XKR6: variants seen among roughly 807,000 people sequenced by gnomAD.
XKR6 encodes the protein XK related 6.
A neutral mutation model predicts 56.7 loss-of-function variants in XKR6; 22 were observed. That is an observed-to-expected ratio of 0.39 (90% CI 0.28 to 0.55). The LOEUF (loss-of-function observed/expected upper bound fraction) is 0.55, where lower values mean the gene tolerates loss of function less well. Ranked by LOEUF, XKR6 falls within the 20% of genes least tolerant of loss-of-function variation. The pLI is 0.66. For synonymous variants in XKR6, 524 were observed against 387.8 expected, an observed-to-expected ratio of 1.35 and a Z score of -4.13; for missense variants, 852 against 889.0, an observed-to-expected ratio of 0.96 and a Z score of 0.53.
At chr8:11,195,151 C>A in intron 1 of XKR6, 2 of 703,224 alleles carry the variant, frequency 2.8e-6, no homozygotes, top group South Asian at 3.0e-5. Context: ...AGGGAAGAAA[C>A]CAGGTGAGGC....
intron 1 of XKR6, among the ~76,000 whole-genome samples, chr8:11,185,848 T>C (rs1200290049): frequency 6.6e-6 from 1 of 152,220 alleles, no homozygotes; most frequent in Non-Finnish European, 1.5e-5. Flanking sequence ...AATTTCAAGA[T>C]AGTTTAGTGT....
Position 10,998,483 on chromosome 8 carries a change from A to T in XKR6, c.765-73653T>A, listed in dbSNP as rs150950029. Among the ~76,000 whole-genome samples, 28 of 152,300 alleles carry T rather than the reference A, an allele frequency of 1.8e-4. 1 individual carries two copies. The highest frequency in any genetic ancestry group is 6.0e-4 in the African/African-American group (25 of 41,574). Reference sequence around the variant, plus strand: ...TCTCCATCTTACTGACAGGCCTGGTAAGAGCTCCACTTCAAATTTATGAGT... The same window carrying T: ...TCTCCATCTTACTGACAGGCCTGGTTAGAGCTCCACTTCAAATTTATGAGT... On this transcript the variant is annotated intron_variant, in intron 1 of 2. Coordinates refer to ENST00000416569, the MANE Select transcript of XKR6 (RefSeq NM_173683.4).
intron 1 of XKR6, among the ~76,000 whole-genome samples, chr8:11,187,058 A>G (rs71518515): frequency 1.5e-3 from 222 of 152,328 alleles, no homozygotes; most frequent in Non-Finnish European, 2.2e-3. Context: ...ACAACTGGCT[A>G]GTGTTGCTCT....
intron 1 of XKR6, among the ~76,000 whole-genome samples, chr8:11,006,974 T>C (rs1034068216): frequency 1.6e-4 from 24 of 152,226 alleles, no homozygotes; most frequent in African/African-American, 5.8e-4. Context: ...TTACTAATGA[T>C]TAGCGTAGGG....
chr8:11,131,507 A>G (rs1041332773), intron 1 of XKR6, among the ~76,000 whole-genome samples: 1 of 152,194 alleles, frequency 6.6e-6, no homozygotes, highest in Admixed American at 6.5e-5. Context: ...CGTTTTAAAA[A>G]ATATTTCTGT....
At chr8:11,141,261 G>A (rs538764149) in intron 1 of XKR6, among the ~76,000 whole-genome samples, 2 of 152,246 alleles carry the variant, frequency 1.3e-5, no homozygotes, top group East Asian at 1.9e-4. Context: ...CTATCATCAC[G>A]TGTTATGCAC....
chr8:11,097,990 A>C (rs1798325248), intron 1 of XKR6, among the ~76,000 whole-genome samples: 2 of 152,138 alleles, frequency 1.3e-5, no homozygotes, highest in Non-Finnish European at 2.9e-5. Flanking sequence ...AACTGGTGAG[A>C]CTGGTGATTT....
At chr8:11,052,571 C>T (rs926395720) in intron 1 of XKR6, among the ~76,000 whole-genome samples, 1 of 152,130 alleles carries the variant, frequency 6.6e-6, no homozygotes, top group Non-Finnish European at 1.5e-5. Flanking sequence ...GCATCTCCTT[C>T]AGCCCCGTTC....
At chr8:11,133,267 ACAAAAATACGGCGT>A (rs1800206037) in intron 1 of XKR6, among the ~76,000 whole-genome samples, 1 of 152,174 alleles carries the variant, frequency 6.6e-6, no homozygotes, top group Admixed American at 6.5e-5. Context: ...TGACAGATCT[ACAAAAATACGGCGT>A]CAGCTTCACA....
At chr8:11,026,862 CTAGATGGTCTAGCCTGCTACACCCT>C (rs1454931983) in intron 1 of XKR6, among the ~76,000 whole-genome samples, 3 of 151,846 alleles carry the variant, frequency 2.0e-5, no homozygotes, top group Non-Finnish European at 4.4e-5. Flanking sequence ...TACTACACAC[CTAGATGGTCTAGCCTGCTACACCCT>C]TAGATGGTCT....
At chr8:11,098,672 A>G (rs1798352795) in intron 1 of XKR6, among the ~76,000 whole-genome samples, 1 of 152,234 alleles carries the variant, frequency 6.6e-6, no homozygotes, top group Non-Finnish European at 1.5e-5. Context: ...CTTTTATAGT[A>G]TGTGGAAAGT....
At chr8:11,034,433 G>C (rs914166025) in intron 1 of XKR6, among the ~76,000 whole-genome samples, 2 of 152,196 alleles carry the variant, frequency 1.3e-5, no homozygotes, top group Non-Finnish European at 2.9e-5. Context: ...GAAGCTGCAT[G>C]TGTCTAGAGC....
At chr8:10,944,087 G>C (rs961465914) in intron 1 of XKR6, among the ~76,000 whole-genome samples, 1 of 152,216 alleles carries the variant, frequency 6.6e-6, no homozygotes, top group African/African-American at 2.4e-5. Flanking sequence ...ACCTCCAGGA[G>C]GGGCATCCAT....
At position 11,036,456 on chromosome 8, in the gene XKR6, G is replaced by A. The variant is rs961065844; in HGVS notation, c.765-111626C>T. ...ACCGTTGAATGTGAATCTTGCTACC[G>A]GCAGCATCAGCATCAATGGGAGCTT... On this transcript the variant is annotated intron_variant, in intron 1 of 2. Transcript: ENST00000416569. Among the ~76,000 whole-genome samples the A allele has an allele frequency of 5.3e-5, 8 of 152,260 alleles. No homozygotes were observed. In the East Asian group the frequency reaches 7.7e-4, roughly 15 times the overall value.
chr8:10,918,614 A>G (rs887885490), intron 2 of XKR6, among the ~76,000 whole-genome samples: 1 of 152,234 alleles, frequency 6.6e-6, no homozygotes, highest in Non-Finnish European at 1.5e-5. Context: ...AGGACTCTCC[A>G]GGTAGAGATC....
intron 1 of XKR6, among the ~76,000 whole-genome samples, chr8:10,986,033 T>A (rs1797856810): frequency 6.6e-6 from 1 of 152,178 alleles, no homozygotes; most frequent in Non-Finnish European, 1.5e-5. Flanking sequence ...ATGATAAAAA[T>A]ATTACAAAGA....
chr8:11,142,313 C>T (rs1800744875), intron 1 of XKR6, among the ~76,000 whole-genome samples: 1 of 150,524 alleles, frequency 6.6e-6, no homozygotes, highest in East Asian at 1.9e-4. Context: ...AACATCTTGA[C>T]ATACCAGACA....
At chr8:11,082,774 G>T (rs555109477) in intron 1 of XKR6, among the ~76,000 whole-genome samples, 10 of 152,270 alleles carry the variant, frequency 6.6e-5, no homozygotes, top group Admixed American at 5.9e-4. Context: ...GGGCCTTTGG[G>T]CCGTCCTCGA....
At chr8:11,072,906 C>T (rs748615682) in intron 1 of XKR6, among the ~76,000 whole-genome samples, 4 of 152,196 alleles carry the variant, frequency 2.6e-5, no homozygotes, top group Non-Finnish European at 4.4e-5. Context: ...AAAAATTAGC[C>T]GGGCGTGGTG....
Sources: allele counts gnomAD v4.1 joint callset (sites outside exome capture counted in the v4.1 genomes callset), GRCh38; gene constraint gnomAD v4.1.1; transcripts MANE v1.5; gene names NCBI Gene and HGNC (gene_info 2026-07-23, HGNC 2026-07-21).